LDLRAD3: variants seen among roughly 807,000 people sequenced by gnomAD.
LDLRAD3 encodes the protein low-density lipoprotein receptor class A domain-containing protein 3.
A neutral mutation model predicts 29.4 loss-of-function variants in LDLRAD3; 20 were observed. The ratio of observed to expected loss-of-function variants is 0.68; its 90% CI spans 0.48 to 0.99. The LOEUF (loss-of-function observed/expected upper bound fraction) is 0.99, where lower values mean the gene tolerates loss of function less well. LDLRAD3 is among the 50% of genes least tolerant of loss of function. The probability of loss-of-function intolerance (pLI) is 0.00; values close to 1 mark genes in which losing one functional copy is unlikely to be tolerated. For missense variants in LDLRAD3, 420 were observed against 454.3 expected (o/e 0.92, Z 0.69); for synonymous variants, 157 against 192.7 (o/e 0.81, Z 1.53).
chr11:36,040,610 C>T (rs1852368613), intron 2 of LDLRAD3, among the ~76,000 whole-genome samples: 1 of 152,140 alleles, frequency 6.6e-6, no homozygotes, highest in Non-Finnish European at 1.5e-5. Flanking sequence ...CAGTTTTCCA[C>T]TATGGGAAAC....
intron 4 of LDLRAD3, among the ~76,000 whole-genome samples, chr11:36,175,199 C>T (rs1394817361): frequency 1.3e-5 from 2 of 152,062 alleles, no homozygotes; most frequent in African/African-American, 4.8e-5. Context: ...TTGGAGCTCT[C>T]TTCTTTTTTT....
At position 35,979,600 on chromosome 11, in the gene LDLRAD3, C is replaced by G. The variant is rs566299474; in HGVS notation, c.46+35456C>G. 4.6e-5 allele frequency among the ~76,000 whole-genome samples: 7 copies of G among 152,306 alleles called. No homozygotes were observed. The East Asian group carries it at 1.4e-3, about 29-fold the overall frequency. On this transcript the variant is annotated intron_variant, in intron 1 of 5. Transcript: ENST00000315571. ...GCGGAGCTTTAGACGAGCGTTGAGA[C>G]TGTCTGTCTCAGAGCCTCTGATCCA...
intron 1 of LDLRAD3, chr11:35,968,244 G>A (rs1489878238): frequency 5.0e-6 from 2 of 404,004 alleles, no homozygotes; most frequent in African/African-American, 4.1e-5. Context: ...GAAGGGATTA[G>A]TATTGACCAG....
rs556752832 is a variant in LDLRAD3, at chr11:36,103,129, C to G, written c.454+4668C>G. Among the ~76,000 whole-genome samples, 11 of 152,156 alleles carry G rather than the reference C, an allele frequency of 7.2e-5. No individual in the cohort carries two copies. In the East Asian group the frequency reaches 2.1e-3, roughly 29 times the overall value. ...ACTCTATACCCATTAAAAAATAACT[C>G]CCTATTCTCCTTCCCCCCAGGCCCC... On this transcript the variant is annotated intron_variant, in intron 4 of 5. Transcript: ENST00000315571.
intron 3 of LDLRAD3, among the ~76,000 whole-genome samples, chr11:36,084,351 G>A (rs1853165159): frequency 6.6e-6 from 1 of 152,124 alleles, no homozygotes; most frequent in African/African-American, 2.4e-5. Context: ...GGCGAGGTGG[G>A]GCACCCGTCT....
At chr11:35,986,427 C>G (rs1851615632) in intron 1 of LDLRAD3, among the ~76,000 whole-genome samples, 1 of 152,040 alleles carries the variant, frequency 6.6e-6, no homozygotes, top group African/African-American at 2.4e-5. Flanking sequence ...GGAATTTAAC[C>G]TGTTATTTAT....
intron 4 of LDLRAD3, among the ~76,000 whole-genome samples, chr11:36,136,191 C>T (rs1854001365): frequency 1.3e-5 from 2 of 152,202 alleles, no homozygotes; most frequent in Admixed American, 1.3e-4. Flanking sequence ...GCTGGCCTAT[C>T]TCAGAAGGAT....
intron 4 of LDLRAD3, among the ~76,000 whole-genome samples, chr11:36,099,389 T>C (rs1169791913): frequency 6.6e-6 from 1 of 152,244 alleles, no homozygotes; most frequent in African/African-American, 2.4e-5. Flanking sequence ...AGAATATATA[T>C]TTCTAATGTT....
chr11:36,091,778 T>A (rs2133267112), intron 3 of LDLRAD3, among the ~76,000 whole-genome samples: 1 of 152,316 alleles, frequency 6.6e-6, no homozygotes, highest in Middle Eastern at 3.4e-3. Context: ...TGGAGCACGT[T>A]AAATATGGCT....
At chr11:36,131,136 G>T (rs1368452337) in intron 4 of LDLRAD3, among the ~76,000 whole-genome samples, 1 of 152,252 alleles carries the variant, frequency 6.6e-6, no homozygotes, top group Non-Finnish European at 1.5e-5. Context: ...GCCGGGCACA[G>T]TGGCTCATGC....
At chr11:36,045,689 A>G (rs1459907661) in intron 2 of LDLRAD3, among the ~76,000 whole-genome samples, 3 of 148,980 alleles carry the variant, frequency 2.0e-5, no homozygotes, top group Non-Finnish European at 3.0e-5. Context: ...TGCTGTTCTC[A>G]TGATAGTGAA....
chr11:36,113,064 A>G (rs1853627275), intron 4 of LDLRAD3, among the ~76,000 whole-genome samples: 1 of 152,190 alleles, frequency 6.6e-6, no homozygotes, highest in Non-Finnish European at 1.5e-5. Flanking sequence ...AAAGGTTCAG[A>G]AAGACAGATA....
At chr11:36,217,135 T>C (rs1855364122) in intron 4 of LDLRAD3, among the ~76,000 whole-genome samples, 1 of 152,238 alleles carries the variant, frequency 6.6e-6, no homozygotes. Context: ...CAGTGCTCAC[T>C]GCTCAGCATC....
chr11:36,210,331 C>G (rs1302107158), intron 4 of LDLRAD3, among the ~76,000 whole-genome samples: 1 of 152,280 alleles, frequency 6.6e-6, no homozygotes, highest in East Asian at 1.9e-4. Context: ...CTGTTGGCAA[C>G]AGAAGACTTT....
At chr11:35,952,426 A>G (rs1456971841) in intron 1 of LDLRAD3, among the ~76,000 whole-genome samples, 1 of 152,212 alleles carries the variant, frequency 6.6e-6, no homozygotes, top group East Asian at 1.9e-4. Context: ...GGGGCATCTC[A>G]AGTTGATTCT....
chr11:35,955,471 G>T (rs566455560), intron 1 of LDLRAD3, among the ~76,000 whole-genome samples: 1 of 152,246 alleles, frequency 6.6e-6, no homozygotes, highest in South Asian at 2.1e-4. Flanking sequence ...CTTATTAAAA[G>T]AAATCACCTA....
At chr11:36,055,916 T>C (rs963324656) in intron 2 of LDLRAD3, among the ~76,000 whole-genome samples, 1 of 151,944 alleles carries the variant, frequency 6.6e-6, no homozygotes, top group Admixed American at 6.5e-5. Flanking sequence ...TTTGGGTAGC[T>C]TTAAGGTTAT....
At chr11:36,152,887 A>G (rs1438230741) in intron 4 of LDLRAD3, among the ~76,000 whole-genome samples, 1 of 152,106 alleles carries the variant, frequency 6.6e-6, no homozygotes, top group African/African-American at 2.4e-5. Context: ...GCAAATCTTC[A>G]CAATTGGGGT....
At chr11:36,179,483 A>G (rs893561096) in intron 4 of LDLRAD3, among the ~76,000 whole-genome samples, 1 of 152,110 alleles carries the variant, frequency 6.6e-6, no homozygotes, top group African/African-American at 2.4e-5. Context: ...CAGAAAAAAA[A>G]GGTTAGAGCC....
Sources: gnomAD v4.1 joint callset for allele counts (sites outside exome capture counted in the v4.1 genomes callset) on GRCh38, gnomAD v4.1.1 for gene constraint, MANE v1.5 for transcripts, NCBI Gene and HGNC (gene_info 2026-07-23, HGNC 2026-07-21) for gene names.